FXR1: variants seen among roughly 807,000 people sequenced by gnomAD.
The protein encoded by FXR1 is FMR1 autosomal homolog 1, also known as RNA-binding protein FXR1.
A neutral mutation model predicts 84.0 loss-of-function variants in FXR1; 15 were observed. That is an observed-to-expected ratio of 0.18 (90% confidence interval 0.12 to 0.27). FXR1 has a LOEUF of 0.27. Ranked by LOEUF, FXR1 falls within the 10% of genes least tolerant of loss-of-function variation. The pLI is 1.00. For synonymous variants in FXR1, 245 were observed against 250.7 expected, an observed-to-expected ratio of 0.98 and a Z score of 0.21; for missense variants, 480 against 774.4, an observed-to-expected ratio of 0.62 and a Z score of 4.51.
chr3:180,953,118 C>T (rs1722399954), intron 8 of FXR1, among the ~76,000 whole-genome samples: 2 of 152,158 alleles, frequency 1.3e-5, no homozygotes, highest in East Asian at 3.9e-4. Context: ...GCAGGGATTA[C>T]AGGCGTGAGC....
intron 3 of FXR1, among the ~76,000 whole-genome samples, chr3:180,937,744 G>A (rs1720687500): frequency 1.3e-5 from 2 of 151,778 alleles, no homozygotes; most frequent in Non-Finnish European, 1.5e-5. Context: ...TTAGAAATTC[G>A]GAGTTAGTGC....
Position 180,935,208 on chromosome 3 carries a change from A to G in FXR1, c.175A>G (p.Ile59Val), listed in dbSNP as rs1200819381. 32 of 1,506,340 alleles carry G rather than the reference A, an allele frequency of 2.1e-5. No individual in the cohort carries two copies. Among genetic ancestry groups the G allele is most frequent in the Non-Finnish European group, 2.8e-5 (30 of 1,082,500 alleles). 93.3% of individuals were successfully genotyped at this position (1,506,340 alleles called of 1,614,324 possible). A position where few individuals can be genotyped will look rare whatever the true frequency, so the allele number is the denominator to read the frequency against. The change falls in exon 3 of 17, where the codon ATT (isoleucine) becomes GTT (valine). Residue 59 changes from isoleucine (I) to valine (V), a missense_variant. By Grantham distance (29) the Ile-to-Val change is conservative. Transcript: ENST00000357559. ...LPPPPDIKKE[I>V]SEGDEVEVYS... ...ACCACCACCTGATATAAAAAAAGAA[A>G]TTAGTGAAGGAGATGAAGTAGAGGT...
intron 1 of FXR1, among the ~76,000 whole-genome samples, chr3:180,925,759 T>C (rs1406193194): frequency 6.6e-6 from 1 of 152,210 alleles, no homozygotes; most frequent in Non-Finnish European, 1.5e-5. Context: ...ATAAATAAAC[T>C]GATAATTGAT....
chr3:180,915,331 C>T (rs1308839620), intron 1 of FXR1: 7 of 558,692 alleles, frequency 1.3e-5, no homozygotes, highest in Non-Finnish European at 2.2e-5. Context: ...TCCGTCATGC[C>T]CTTTTCAGTC....
intron 2 of FXR1, 129 bp downstream of exon 2, chr3:180,933,515 G>C: frequency 3.0e-6 from 2 of 672,492 alleles, no homozygotes; most frequent in South Asian, 1.7e-5. Flanking sequence ...TTGGTTGTTT[G>C]ATCATAAGTC....
chr3:180,930,131 C>T (rs1413794810), intron 1 of FXR1, among the ~76,000 whole-genome samples: 1 of 152,046 alleles, frequency 6.6e-6, no homozygotes, highest in Non-Finnish European at 1.5e-5. Context: ...GGCGTGGTGG[C>T]GTGTGCCTGT....
chr3:180,938,252 C>T (rs1361388248), intron 3 of FXR1, among the ~76,000 whole-genome samples: 4 of 152,116 alleles, frequency 2.6e-5, no homozygotes, highest in Admixed American at 6.5e-5. Context: ...TTAAAATGTA[C>T]CATTTCATCC....
chr3:180,980,760 A>G lies in FXR1; in HGVS notation c.*4468A>G, dbSNP rs373868693. ...CAGGATAGAAGCTCTTCCTATATATATCTTGTTGCTAAGGCAGTAGTTGGC... is the reference window on the plus strand; with the variant it reads ...CAGGATAGAAGCTCTTCCTATATATGTCTTGTTGCTAAGGCAGTAGTTGGC... On this transcript the variant is annotated 3_prime_UTR_variant, in exon 17 of 17. Transcript: ENST00000357559. The G allele has an allele frequency of 3.3e-5, 5 of 152,130 alleles. No homozygotes were observed. The South Asian group carries it at 1.0e-3, about 32-fold the overall frequency. The allele number at this position is 152,130 out of a possible 1,614,324, so 9.4% of individuals were successfully genotyped here.
chr3:180,935,956 A>G lies in FXR1; in HGVS notation c.198+725A>G, dbSNP rs933715343. Among the ~76,000 whole-genome samples the G allele has an allele frequency of 8.6e-5, 13 of 151,888 alleles. 1 individual carries two copies. The highest frequency in any genetic ancestry group is 2.9e-5 in the Non-Finnish European group (2 of 67,990). On this transcript the variant is annotated intron_variant, in intron 3 of 16. Coordinates refer to ENST00000357559, the MANE Select transcript of FXR1 (RefSeq NM_005087.4). ...TTCCAGGTTGCAGTGCAATGGCGCGATCTTGGCTCACTGCAACCTCTGCCT... is the reference window on the plus strand; with the variant it reads ...TTCCAGGTTGCAGTGCAATGGCGCGGTCTTGGCTCACTGCAACCTCTGCCT...
At chr3:180,966,874 A>C (rs1030822700) in intron 13 of FXR1, among the ~76,000 whole-genome samples, 1 of 152,194 alleles carries the variant, frequency 6.6e-6, no homozygotes, top group Non-Finnish European at 1.5e-5. Flanking sequence ...ACAAGTGGAA[A>C]TGAATATGAT....
intron 2 of FXR1, among the ~76,000 whole-genome samples, chr3:180,934,460 GA>G (rs1166911598): frequency 3.3e-5 from 5 of 152,090 alleles, no homozygotes; most frequent in Non-Finnish European, 7.4e-5. Flanking sequence ...AATACAACAT[GA>G]AAAATGTCAG....
chr3:180,920,115 C>T (rs988788850), intron 1 of FXR1, among the ~76,000 whole-genome samples: 20 of 152,124 alleles, frequency 1.3e-4, no homozygotes, highest in African/African-American at 4.6e-4. Context: ...CAAAGGGATG[C>T]GCTCCCGTGT....
chr3:180,942,229 T>C (rs891125997), intron 3 of FXR1, among the ~76,000 whole-genome samples: 1 of 151,722 alleles, frequency 6.6e-6, no homozygotes, highest in African/African-American at 2.4e-5. Flanking sequence ...ATACAAAAAA[T>C]TAGCCAGGTG....
At position 180,968,067 on chromosome 3, in the gene FXR1, G is replaced by A; in HGVS notation, c.1215G>A (p.Leu405=). The change falls in exon 14 of 17, where the codon CTG becomes CTA. Residue 405 remains leucine (L), a synonymous_variant. Transcript: ENST00000357559. ...YTSGYGTNSE[L]SNPSETESER... ...TTTTCCAAGGTACAAATTCTGAGCT[G>A]TCTAACCCCTCTGAAACGGAATCTG... 6.2e-7 allele frequency: 1 copy of A among 1,610,440 alleles called. No individual in the cohort carries two copies. Among genetic ancestry groups the A allele is most frequent in the Admixed American group, 1.7e-5 (1 of 60,006 alleles).
At position 180,935,150 on chromosome 3, in the gene FXR1, A is replaced by C. The variant is rs1720375445; in HGVS notation, c.117A>C (p.Glu39Asp). 5 of 1,565,702 alleles carry C rather than the reference A, an allele frequency of 3.2e-6. No individual in the cohort carries two copies. The highest frequency in any genetic ancestry group is 4.4e-6 in the Non-Finnish European group (5 of 1,136,960). Residue 39 changes from glutamate to aspartate, a missense_variant, in exon 3 of 17, where the codon GAA becomes GAC. By Grantham distance (45) the Glu-to-Asp change is conservative. Transcript: ENST00000357559. ...TCTAATCCTTCAGTTGGCAACCAGA[A>C]CGCCAGGTTCCATTTAATGAAGTTA... ...TVVFENNWQPERQVPFNEVRL... is the reference protein window; with the variant it reads ...TVVFENNWQPDRQVPFNEVRL...
rs189394362 is a variant in FXR1, at chr3:180,982,438, G to T, written c.*6146G>T. The stretch of plus-strand genomic sequence containing the variant: ...TCTACTTAAAAAAGGTAAGCCTGGA[G>T]AAAATAAAACTGATTACTATGCAAG... On this transcript the variant is annotated 3_prime_UTR_variant, in exon 17 of 17. Transcript: ENST00000357559. 7 of 152,184 alleles carry T rather than the reference G, an allele frequency of 4.6e-5. No homozygotes were observed. The highest frequency in any genetic ancestry group is 1.7e-4 in the African/African-American group (7 of 41,558). The allele number at this position is 152,184 out of a possible 1,614,324, so 9.4% of individuals were successfully genotyped here. A position where few individuals can be genotyped will look rare whatever the true frequency, so the allele number is the denominator to read the frequency against.
At chr3:180,926,680 G>C (rs1250657457) in intron 1 of FXR1, among the ~76,000 whole-genome samples, 1 of 151,620 alleles carries the variant, frequency 6.6e-6, no homozygotes, top group Non-Finnish European at 1.5e-5. Flanking sequence ...AGGCTGTGCT[G>C]TTTCTGATTA....
Position 180,927,666 on chromosome 3 carries a change from TAA to T in FXR1, c.52-5660_52-5659del. 3 of 521,996 alleles carry T rather than the reference TAA, an allele frequency of 5.7e-6. No homozygotes were observed. The South Asian group carries it at 8.3e-5, about 14-fold the overall frequency. The allele number at this position is 521,996 out of a possible 1,614,324, so 32.3% of individuals were successfully genotyped here. ...CCCACAGGCCATTTAAGCACCCGTC[TAA>T]AAAAAAATGAGTAGATCTTCATAGT... On this transcript the variant is annotated intron_variant, in intron 1 of 16. Coordinates refer to ENST00000357559, the MANE Select transcript of FXR1 (RefSeq NM_005087.4).
intron 3 of FXR1, among the ~76,000 whole-genome samples, chr3:180,943,265 CTTT>C (rs71182562): frequency 2.9e-4 from 8 of 27,634 alleles, no homozygotes; most frequent in African/African-American, 5.5e-4. Flanking sequence ...CTGTGCCCGG[CTTT>C]TTTTTTTTTT....
Sources: gnomAD v4.1 joint callset for allele counts (sites outside exome capture counted in the v4.1 genomes callset) on GRCh38, gnomAD v4.1.1 for gene constraint, MANE v1.5 for transcripts, NCBI Gene and HGNC (gene_info 2026-07-23, HGNC 2026-07-21) for gene names.